JAK1: variants seen among roughly 807,000 people sequenced by gnomAD.
JAK1 encodes the protein Janus kinase 1, also known as tyrosine-protein kinase JAK1.
JAK1 carries 16 observed loss-of-function variants against 136.6 expected under a neutral mutation model. The ratio of observed to expected loss-of-function variants is 0.12; its 90% CI spans 0.08 to 0.18. The LOEUF (loss-of-function observed/expected upper bound fraction) is 0.18. Among genes scored for constraint, JAK1 ranks in the 10% least tolerant of loss-of-function variants. The probability of loss-of-function intolerance (pLI) is 1.00; values close to 1 mark genes in which losing one functional copy is unlikely to be tolerated. For missense variants in JAK1, 859 were observed against 1,450.1 expected (o/e 0.59, Z 6.62); for synonymous variants, 492 against 519.5 (o/e 0.95, Z 0.72).
intron 1 of JAK1, among the ~76,000 whole-genome samples, chr1:65,058,969 C>T (rs961994127): frequency 1.3e-5 from 2 of 152,136 alleles, no homozygotes; most frequent in South Asian, 2.1e-4. Context: ...CTTCAAAGTG[C>T]TCATAACCAA....
At chr1:64,951,820 A>G (rs367757084) in intron 1 of JAK1, among the ~76,000 whole-genome samples, 3 of 151,806 alleles carry the variant, frequency 2.0e-5, no homozygotes, top group East Asian at 1.9e-4. Flanking sequence ...CACCACGCCC[A>G]GCTAATTTTT....
chr1:64,879,570 C>T (rs1644737935), intron 3 of JAK1, among the ~76,000 whole-genome samples: 1 of 152,142 alleles, frequency 6.6e-6, no homozygotes, highest in Non-Finnish European at 1.5e-5. Flanking sequence ...CTACAGAAAG[C>T]ACTTAAACAA....
intron 1 of JAK1, among the ~76,000 whole-genome samples, chr1:65,063,680 C>T (rs973613974): frequency 1.1e-4 from 17 of 151,824 alleles, no homozygotes; most frequent in Non-Finnish European, 4.4e-5. Context: ...TGGCACACAC[C>T]TGTAGTCCCA....
At chr1:64,909,867 C>G (rs1175625810) in intron 1 of JAK1, among the ~76,000 whole-genome samples, 1 of 151,802 alleles carries the variant, frequency 6.6e-6, no homozygotes, top group East Asian at 2.0e-4. Context: ...GGCGCTTGCT[C>G]TTATTCCCAC....
At position 64,844,318 on chromosome 1, in the gene JAK1, C is replaced by T; in HGVS notation, c.2252-103G>A. On this transcript the variant is annotated intron_variant, in intron 16 of 24. Coordinates refer to ENST00000342505, the MANE Select transcript of JAK1 (RefSeq NM_002227.4). The surrounding 1 kb of genome is among the most constrained non-coding windows in gnomAD (Gnocchi z 5.7). ...CAGTGAGCCAATGAAGGAACTACTT[C>T]AAGCAGTGTGCCCAAACATGGCCCA... 7.5e-6 allele frequency: 11 copies of T among 1,468,824 alleles called. No individual in the cohort carries two copies. The highest frequency in any genetic ancestry group is 9.5e-6 in the Non-Finnish European group (10 of 1,056,736). The allele number at this position is 1,468,824 out of a possible 1,614,324, so 91.0% of individuals were successfully genotyped here.
At chr1:64,955,795 C>T (rs1982962) in intron 1 of JAK1, among the ~76,000 whole-genome samples, 152,261 of 152,262 alleles carry the variant, frequency 1, 76,130 homozygotes, top group Non-Finnish European at 1. Flanking sequence ...GTGGGGACAG[C>T]GAGTGGCAAA....
chr1:65,056,368 G>C lies in JAK1; in HGVS notation c.-181+11236C>G, dbSNP rs140204531. Among the ~76,000 whole-genome samples the C allele has an allele frequency of 3.0e-3, 450 of 152,320 alleles. 6 individuals are homozygous for C. The highest frequency in any genetic ancestry group is 0.011 in the African/African-American group (437 of 41,576). ...GTGTGGCTCAAGGGATCACTACTAA[G>C]AATGGTTCCTCTTTGGGTAGAGCAG... On this transcript the variant is annotated intron_variant, in intron 1 of 25. Transcript: ENST00000671954.
intron 2 of JAK1, among the ~76,000 whole-genome samples, chr1:64,987,980 A>T (rs1465820364): frequency 6.6e-6 from 1 of 152,224 alleles, no homozygotes; most frequent in Non-Finnish European, 1.5e-5. Context: ...GCAATTGAAG[A>T]TGATAATATT....
chr1:64,999,646 G>A (rs906697556), intron 2 of JAK1, among the ~76,000 whole-genome samples: 4 of 151,520 alleles, frequency 2.6e-5, no homozygotes, highest in African/African-American at 9.7e-5. Context: ...GAAGCAGGAG[G>A]ATCACTTAAG....
chr1:64,834,472 T>TTTCA lies in JAK1; in HGVS notation c.*86_*89dup, dbSNP rs1654340116. 5 of 872,732 alleles carry TTTCA rather than the reference T, an allele frequency of 5.7e-6. No homozygotes were observed. Among genetic ancestry groups the TTTCA allele is most frequent in the African/African-American group, 5.0e-5 (3 of 59,428 alleles). 54.1% of individuals were successfully genotyped at this position (872,732 alleles called of 1,614,324 possible). A position where few individuals can be genotyped will look rare whatever the true frequency, so the allele number is the denominator to read the frequency against. ...ACTTTTTGGACAGAACACAAACTTC[T>TTTCA]TTCATTAGAAATTTTTAAAAAATGA... is the stretch of plus-strand genomic sequence containing the variant. On this transcript the variant is annotated 3_prime_UTR_variant, in exon 25 of 25. Coordinates refer to ENST00000342505, the MANE Select transcript of JAK1 (RefSeq NM_002227.4).
At chr1:64,983,780 C>G (rs913205339) in intron 2 of JAK1, among the ~76,000 whole-genome samples, 2 of 152,164 alleles carry the variant, frequency 1.3e-5, no homozygotes. Context: ...GTTAATAATC[C>G]TGGACTTCAA....
intron 1 of JAK1, among the ~76,000 whole-genome samples, chr1:64,936,856 G>A (rs934065225): frequency 1.3e-5 from 2 of 152,058 alleles, no homozygotes; most frequent in African/African-American, 4.8e-5. Context: ...TGTGACAGCA[G>A]AAAACAGTAG....
intron 1 of JAK1, among the ~76,000 whole-genome samples, chr1:64,931,342 A>G (rs1426067959): frequency 2.0e-5 from 3 of 152,086 alleles, no homozygotes; most frequent in Non-Finnish European, 4.4e-5. Context: ...CACTCCATGC[A>G]GACTACAACT....
intron 1 of JAK1, among the ~76,000 whole-genome samples, chr1:64,938,617 C>T (rs966082124): frequency 4.6e-5 from 7 of 152,202 alleles, no homozygotes; most frequent in African/African-American, 1.7e-4. Flanking sequence ...CTTCTCAATA[C>T]TAAAACCATT....
intron 1 of JAK1, among the ~76,000 whole-genome samples, chr1:64,894,806 C>A (rs187282034): frequency 7.2e-5 from 11 of 152,016 alleles, no homozygotes; most frequent in Admixed American, 5.9e-4. Context: ...ACCAGGAAAT[C>A]TCAAGAAAAA....
At chr1:65,056,242 T>A (rs1278890318) in intron 1 of JAK1, among the ~76,000 whole-genome samples, 1 of 152,196 alleles carries the variant, frequency 6.6e-6, no homozygotes, top group African/African-American at 2.4e-5. Flanking sequence ...TAGTGTAGCT[T>A]ATATAGCTTA....
chr1:64,991,464 T>C (rs551741184), intron 2 of JAK1: 5 of 152,368 alleles, frequency 3.3e-5, no homozygotes, highest in African/African-American at 1.2e-4. Flanking sequence ...AAACCAATCA[T>C]ATTGGATTAA....
intron 1 of JAK1, among the ~76,000 whole-genome samples, chr1:64,962,702 G>A (rs1646302776): frequency 6.6e-6 from 1 of 152,180 alleles, no homozygotes; most frequent in African/African-American, 2.4e-5. Context: ...GCTGAGCACG[G>A]GGGAGAGTAA....
chr1:64,852,016 C>T (rs570612973), intron 11 of JAK1, among the ~76,000 whole-genome samples: 18 of 152,352 alleles, frequency 1.2e-4, no homozygotes, highest in Non-Finnish European at 2.1e-4. Context: ...CGCTGGGAGA[C>T]AATGGCTGCT....
Sources: gnomAD v4.1 joint callset for allele counts (sites outside exome capture counted in the v4.1 genomes callset) on GRCh38, gnomAD v4.1.1 for gene constraint, Gnocchi (gnomAD v3.1) non-coding constraint, MANE v1.5 for transcripts, NCBI Gene and HGNC (gene_info 2026-07-23, HGNC 2026-07-21) for gene names.